Variants in MICU1 observed in about 807,000 individuals in gnomAD.
MICU1 encodes calcium uptake protein 1, mitochondrial.
In MICU1, 45 loss-of-function variants were observed where a neutral mutation model predicts 56.8. The observed-to-expected ratio is 0.79, with a 90% CI of 0.62 to 1.02. MICU1 has a LOEUF of 1.02. Among genes scored for constraint, MICU1 ranks in the 50% least tolerant of loss-of-function variants. The pLI, the probability that MICU1 is intolerant of heterozygous loss-of-function variation, is 0.00. For synonymous variants in MICU1, 186 were observed against 195.1 expected, an observed-to-expected ratio of 0.95 and a Z score of 0.39; for missense variants, 504 against 587.1, an observed-to-expected ratio of 0.86 and a Z score of 1.46.
chr10:72,401,650 T>C (rs1863459791), intron 10 of MICU1, among the ~76,000 whole-genome samples: 1 of 152,128 alleles, frequency 6.6e-6, no homozygotes. Context: ...TGAGACCCTG[T>C]CTCAAAAAAA....
chr10:72,437,378 A>C (rs1864767609), intron 8 of MICU1, among the ~76,000 whole-genome samples: 1 of 152,220 alleles, frequency 6.6e-6, no homozygotes, highest in African/African-American at 2.4e-5. Context: ...CCTGACTTAC[A>C]GGAGCTCCTG....
intron 10 of MICU1, among the ~76,000 whole-genome samples, chr10:72,405,767 A>G (rs1200387410): frequency 2.0e-5 from 3 of 152,186 alleles, no homozygotes; most frequent in Non-Finnish European, 2.9e-5. Context: ...TTCAATATAT[A>G]TAGAAAAAAA....
chr10:72,410,998 C>A (rs1349532008), intron 9 of MICU1, among the ~76,000 whole-genome samples: 1 of 152,088 alleles, frequency 6.6e-6, no homozygotes, highest in Non-Finnish European at 1.5e-5. Flanking sequence ...AAACAAAATG[C>A]GGCATATACA....
chr10:72,545,599 G>T (rs1202147174), intron 4 of MICU1, among the ~76,000 whole-genome samples: 1 of 152,130 alleles, frequency 6.6e-6, no homozygotes, highest in African/African-American at 2.4e-5. Context: ...ATAGGGGTTG[G>T]GGAGAACCAA....
intron 11 of MICU1, among the ~76,000 whole-genome samples, chr10:72,374,634 G>C (rs982126790): frequency 6.6e-6 from 1 of 151,976 alleles, no homozygotes; most frequent in South Asian, 2.1e-4. Flanking sequence ...CAAAAGGGAA[G>C]CTCCATAGGC....
chr10:72,374,614 A>T (rs185139577), intron 11 of MICU1, among the ~76,000 whole-genome samples: 104 of 152,228 alleles, frequency 6.8e-4, no homozygotes, highest in Non-Finnish European at 1.4e-3. Flanking sequence ...AGTGATTCTT[A>T]TGCTGGGACC....
intron 4 of MICU1, among the ~76,000 whole-genome samples, chr10:72,543,541 A>G (rs1272755639): frequency 2.0e-5 from 3 of 151,982 alleles, no homozygotes; most frequent in African/African-American, 7.3e-5. Flanking sequence ...TCAATAAAGT[A>G]CTGTATGTAA....
chr10:72,494,583 G>C (rs75632174), intron 6 of MICU1, among the ~76,000 whole-genome samples: 1 of 151,140 alleles, frequency 6.6e-6, no homozygotes, highest in Non-Finnish European at 1.5e-5. Context: ...CTCTTTATTC[G>C]TTATCAGTGT....
intron 10 of MICU1, among the ~76,000 whole-genome samples, chr10:72,404,490 C>A (rs1306401677): frequency 1.3e-5 from 2 of 152,098 alleles, no homozygotes; most frequent in East Asian, 1.9e-4. Flanking sequence ...AAAATTGGTT[C>A]TTTGAAAAGA....
chr10:72,566,289 A>G (rs10823935), intron 2 of MICU1, among the ~76,000 whole-genome samples: 95,571 of 151,866 alleles, frequency 0.63, 31,611 homozygotes, highest in African/African-American at 0.72. Flanking sequence ...CAAGTGATCC[A>G]ACCACCTTGG....
intron 1 of MICU1, among the ~76,000 whole-genome samples, chr10:72,611,070 C>T (rs1446367345): frequency 1.3e-5 from 2 of 151,910 alleles, no homozygotes; most frequent in Non-Finnish European, 2.9e-5. Flanking sequence ...TTTGGGAGGC[C>T]GAGGCGGGCG....
At chr10:72,458,879 ATTTTTTTTT>A (rs538552469) in intron 8 of MICU1, among the ~76,000 whole-genome samples, 6 of 126,306 alleles carry the variant, frequency 4.8e-5, no homozygotes, top group African/African-American at 1.8e-4. Flanking sequence ...CCCAGCTACC[ATTTTTTTTT>A]TTTTTTTTTG....
rs79561983 is a variant in MICU1 at position 72,460,726 on chromosome 10, C to T, written c.933+14374G>A. Among the ~76,000 whole-genome samples, 607 of 152,214 alleles carry T rather than the reference C, an allele frequency of 4.0e-3. 27 individuals are homozygous for T. The East Asian group carries it at 0.11, about 27-fold the overall frequency. On this transcript the variant is annotated intron_variant, in intron 8 of 11. Transcript: ENST00000361114. ...GACATTGTCTAGACTTCCCAGACTCCTCCAAGGCTGGGTAGCAAGCCAGAG... is the reference window on the plus strand; with the variant it reads ...GACATTGTCTAGACTTCCCAGACTCTTCCAAGGCTGGGTAGCAAGCCAGAG...
Position 72,368,163 on chromosome 10 carries a change from G to A in MICU1, c.*32C>T. 1.3e-6 allele frequency: 2 copies of A among 1,596,216 alleles called. No individual in the cohort carries two copies. Among genetic ancestry groups the A allele is most frequent in the Non-Finnish European group, 1.7e-6 (2 of 1,168,160 alleles). On this transcript the variant is annotated 3_prime_UTR_variant, in exon 12 of 12. Transcript: ENST00000361114. ...TCTGCGGAGGGGGTCCAGGGTACTGGGGGTGGAGGGGTCCCCTCTTGCAGT... is the reference window on the plus strand; with the variant it reads ...TCTGCGGAGGGGGTCCAGGGTACTGAGGGTGGAGGGGTCCCCTCTTGCAGT...
intron 6 of MICU1, among the ~76,000 whole-genome samples, chr10:72,489,141 C>G (rs1375382956): frequency 6.6e-6 from 1 of 151,800 alleles, no homozygotes; most frequent in Non-Finnish European, 1.5e-5. Flanking sequence ...GATACAAAAA[C>G]TAGCTGGGCA....
At chr10:72,387,110 A>G (rs1862916905) in intron 10 of MICU1, among the ~76,000 whole-genome samples, 1 of 152,250 alleles carries the variant, frequency 6.6e-6, no homozygotes, top group Non-Finnish European at 1.5e-5. Flanking sequence ...GTGAGGCAAT[A>G]GATTTGGAAA....
chr10:72,541,622 C>T (rs749463137), intron 4 of MICU1, among the ~76,000 whole-genome samples: 5 of 152,142 alleles, frequency 3.3e-5, no homozygotes, highest in Non-Finnish European at 7.3e-5. Context: ...TCCCTAGTCC[C>T]CTGCCCACCA....
chr10:72,407,748 T>C (rs1863675578), intron 10 of MICU1, among the ~76,000 whole-genome samples, 181 bp downstream of exon 10: 1 of 152,182 alleles, frequency 6.6e-6, no homozygotes, highest in African/African-American at 2.4e-5. Flanking sequence ...CAAGAAAATA[T>C]ATTCACTGAA....
chr10:72,489,592 T>C (rs1383183197), intron 6 of MICU1, among the ~76,000 whole-genome samples: 1 of 152,188 alleles, frequency 6.6e-6, no homozygotes, highest in Admixed American at 6.5e-5. Context: ...TAAGGCTAGA[T>C]AGTTTACAAC....
Sources: gnomAD v4.1 joint callset for allele counts (sites outside exome capture counted in the v4.1 genomes callset) on GRCh38, gnomAD v4.1.1 for gene constraint, MANE v1.5 for transcripts, NCBI Gene and HGNC (gene_info 2026-07-23, HGNC 2026-07-21) for gene names.